CTNNA3: variants seen among roughly 807,000 people sequenced by gnomAD.
CTNNA3 encodes catenin alpha 3.
CTNNA3 carries 76 observed loss-of-function variants against 95.7 expected under a neutral mutation model. That is an observed-to-expected ratio of 0.79 (90% CI 0.66 to 0.96). CTNNA3 has a LOEUF of 0.96. CTNNA3 is among the 40% of genes least tolerant of loss of function. The probability of loss-of-function intolerance (pLI) is 0.00; values close to 1 mark genes in which losing one functional copy is unlikely to be tolerated. For synonymous variants in CTNNA3, 431 were observed against 374.4 expected, an observed-to-expected ratio of 1.15 and a Z score of -1.74; for missense variants, 1,191 against 1,089.8, an observed-to-expected ratio of 1.09 and a Z score of -1.31.
At chr10:66,176,321 G>A (rs918145577) in intron 13 of CTNNA3, among the ~76,000 whole-genome samples, 1 of 152,064 alleles carries the variant, frequency 6.6e-6, no homozygotes, top group Admixed American at 6.6e-5. Context: ...ATTTAGACAC[G>A]CAAATGGAGG....
chr10:66,578,114 C>T (rs1843063202), intron 10 of CTNNA3, among the ~76,000 whole-genome samples: 4 of 151,822 alleles, frequency 2.6e-5, no homozygotes, highest in Admixed American at 6.6e-5. Flanking sequence ...TTCATAATTT[C>T]GTTCTGAGCT....
At chr10:66,293,347 C>T (rs2091719030) in intron 12 of CTNNA3, among the ~76,000 whole-genome samples, 1 of 150,960 alleles carries the variant, frequency 6.6e-6, no homozygotes, top group Non-Finnish European at 1.5e-5. Flanking sequence ...ACAAAACTGC[C>T]AAAAGAGAAT....
chr10:67,633,040 C>CTGA (rs1196750873), intron 2 of CTNNA3, among the ~76,000 whole-genome samples: 3 of 152,206 alleles, frequency 2.0e-5, no homozygotes, highest in African/African-American at 4.8e-5. Context: ...CCATTCCAGC[C>CTGA]TGATGGCTTT....
chr10:67,221,723 C>T (rs1388122192), intron 5 of CTNNA3, among the ~76,000 whole-genome samples: 1 of 152,028 alleles, frequency 6.6e-6, no homozygotes, highest in Non-Finnish European at 1.5e-5. Context: ...TACAGGCACC[C>T]ACCACCACAC....
chr10:66,939,905 CTCTT>C (rs1256172164), intron 7 of CTNNA3, among the ~76,000 whole-genome samples: 1 of 152,186 alleles, frequency 6.6e-6, no homozygotes, highest in African/African-American at 2.4e-5. Flanking sequence ...CTCAAGTTCT[CTCTT>C]TGTTATCCAC....
At chr10:67,343,024 C>T (rs948055859) in intron 5 of CTNNA3, among the ~76,000 whole-genome samples, 11 of 152,152 alleles carry the variant, frequency 7.2e-5, no homozygotes, top group Admixed American at 3.3e-4. Context: ...ACGATCTTGG[C>T]TCACTGCAAC....
At chr10:67,113,788 G>A (rs997245872) in intron 7 of CTNNA3, among the ~76,000 whole-genome samples, 3 of 152,076 alleles carry the variant, frequency 2.0e-5, no homozygotes, top group African/African-American at 7.2e-5. Flanking sequence ...GTGGAATTTG[G>A]CTAACTTTGT....
At chr10:66,025,135 T>C (rs2133439839) in intron 15 of CTNNA3, among the ~76,000 whole-genome samples, 1 of 152,366 alleles carries the variant, frequency 6.6e-6, no homozygotes, top group Non-Finnish European at 1.5e-5. Flanking sequence ...TTATGTTACA[T>C]ACTCTATTTG....
chr10:67,726,350 A>ATAT (rs1841216541), intron 1 of CTNNA3, among the ~76,000 whole-genome samples: 3 of 85,468 alleles, frequency 3.5e-5, no homozygotes, highest in South Asian at 7.5e-4. Flanking sequence ...ATAATATATG[A>ATAT]TATATATGAT....
intron 11 of CTNNA3, among the ~76,000 whole-genome samples, chr10:66,503,110 C>A (rs1237087078): frequency 6.6e-6 from 1 of 152,098 alleles, no homozygotes; most frequent in African/African-American, 2.4e-5. Flanking sequence ...CACTGGCCTG[C>A]CAATAATGTT....
intron 11 of CTNNA3, among the ~76,000 whole-genome samples, chr10:66,428,243 A>C (rs576364283): frequency 1.6e-4 from 24 of 152,314 alleles, no homozygotes; most frequent in Admixed American, 1.5e-3. Context: ...GAGCACCCAG[A>C]TTCATAAAGC....
chr10:67,231,938 A>C (rs1865231434), intron 5 of CTNNA3, among the ~76,000 whole-genome samples: 1 of 152,236 alleles, frequency 6.6e-6, no homozygotes, highest in Non-Finnish European at 1.5e-5. Context: ...GAATGAAATG[A>C]AGTGAGAAGG....
At chr10:66,556,868 G>A (rs1476242404) in intron 10 of CTNNA3, among the ~76,000 whole-genome samples, 2 of 151,922 alleles carry the variant, frequency 1.3e-5, no homozygotes. Context: ...TAGATTTCAG[G>A]TGCTCCCAGC....
At chr10:67,176,580 C>T (rs1246327324) in intron 7 of CTNNA3, among the ~76,000 whole-genome samples, 1 of 152,096 alleles carries the variant, frequency 6.6e-6, no homozygotes, top group Non-Finnish European at 1.5e-5. Context: ...GTGAGTCTCC[C>T]AGAGATGTCC....
chr10:67,331,622 C>T (rs1036802353), intron 5 of CTNNA3, among the ~76,000 whole-genome samples: 1 of 152,126 alleles, frequency 6.6e-6, no homozygotes, highest in Non-Finnish European at 1.5e-5. Context: ...GCCATCTGAA[C>T]ATCTTTCCCT....
At chr10:66,359,845 TG>T (rs199714001) in intron 12 of CTNNA3, among the ~76,000 whole-genome samples, 2,777 of 118,406 alleles carry the variant, frequency 0.023, 29 homozygotes, top group Non-Finnish European at 0.036. Flanking sequence ...TTTTTTTTTT[TG>T]AGATGGGTCT....
chr10:66,573,144 T>G (rs1347731188), intron 10 of CTNNA3, among the ~76,000 whole-genome samples: 2 of 152,180 alleles, frequency 1.3e-5, no homozygotes, highest in Admixed American at 6.5e-5. Context: ...CAGGTTCACA[T>G]GAAATATAAA....
At chr10:67,282,734 G>A (rs1839447380) in intron 5 of CTNNA3, among the ~76,000 whole-genome samples, 1 of 152,108 alleles carries the variant, frequency 6.6e-6, no homozygotes, top group Admixed American at 6.6e-5. Context: ...AGCTACCATG[G>A]TTGTGTGACT....
At chr10:65,925,472 T>C (rs1186247204) in intron 17 of CTNNA3, among the ~76,000 whole-genome samples, 1 of 152,174 alleles carries the variant, frequency 6.6e-6, no homozygotes, top group Non-Finnish European at 1.5e-5. Context: ...GGTCTCGCTC[T>C]GTTGTCCAGA....
Sources: gnomAD v4.1 joint callset for allele counts (sites outside exome capture counted in the v4.1 genomes callset) on GRCh38, gnomAD v4.1.1 for gene constraint, MANE v1.5 for transcripts, NCBI Gene and HGNC (gene_info 2026-07-23, HGNC 2026-07-21) for gene names.